The following DRC8 variants were observed in gnomAD, a reference collection of about 807,000 sequenced individuals.
DRC8 encodes dynein regulatory complex protein 8.
the DRC8 span, chr1:245,081,932 A>G: frequency 4.9e-6 from 3 of 611,258 alleles, no homozygotes; most frequent in Admixed American, 2.9e-5. Context: ...TCTTAAAAAG[A>G]TAAAGTAAAG....
the DRC8 span, among the ~76,000 whole-genome samples, chr1:245,009,169 G>T: frequency 6.7e-6 from 1 of 150,014 alleles, no homozygotes; most frequent in Non-Finnish European, 1.5e-5. Context: ...CTGAGTAGCT[G>T]GGATTACAGG....
the DRC8 span, among the ~76,000 whole-genome samples, chr1:245,089,617 G>A: frequency 6.6e-6 from 1 of 152,112 alleles, no homozygotes; most frequent in Non-Finnish European, 1.5e-5. The surrounding 1 kb of genome is among the most constrained non-coding windows in gnomAD (Gnocchi z 4.8). Context: ...GTTCATTGAG[G>A]GCCTCTCCCA....
At chr1:245,027,449 A>G in the DRC8 span, among the ~76,000 whole-genome samples, 1 of 152,176 alleles carries the variant, frequency 6.6e-6, no homozygotes, top group Non-Finnish European at 1.5e-5. Context: ...ACTGGGACAA[A>G]AGAAAAAAAA....
the DRC8 span, chr1:245,087,526 A>G: frequency 7.4e-7 from 1 of 1,347,154 alleles, no homozygotes; most frequent in Non-Finnish European, 9.5e-7. Context: ...TTTAAACCAA[A>G]TTTAGTATGT....
At chr1:245,089,154 G>A in the DRC8 span, among the ~76,000 whole-genome samples, 1 of 152,138 alleles carries the variant, frequency 6.6e-6, no homozygotes, top group Non-Finnish European at 1.5e-5. The surrounding 1 kb of genome is among the most constrained non-coding windows in gnomAD (Gnocchi z 4.8). Flanking sequence ...TTCTGGCTCG[G>A]ACGATGGGTA....
chr1:245,099,314 A>G, the DRC8 span, among the ~76,000 whole-genome samples: 1 of 152,220 alleles, frequency 6.6e-6, no homozygotes, highest in Non-Finnish European at 1.5e-5. Context: ...AGATTGTTGA[A>G]GGGACTATAT....
the DRC8 span, among the ~76,000 whole-genome samples, chr1:245,069,157 AT>A: frequency 6.6e-6 from 1 of 152,190 alleles, no homozygotes; most frequent in Non-Finnish European, 1.5e-5. Context: ...TCCAAGTATA[AT>A]TTTGCCTCCC....
At chr1:244,971,418 A>G in the DRC8 span, among the ~76,000 whole-genome samples, 1 of 152,240 alleles carries the variant, frequency 6.6e-6, no homozygotes, top group Non-Finnish European at 1.5e-5. Context: ...CGGAGAAGCC[A>G]AAAAGTGATT....
chr1:245,067,949 A>T, the DRC8 span, among the ~76,000 whole-genome samples: 1 of 152,198 alleles, frequency 6.6e-6, no homozygotes, highest in Non-Finnish European at 1.5e-5. Flanking sequence ...TTTATGTTAG[A>T]TGCTGGAATT....
the DRC8 span, among the ~76,000 whole-genome samples, chr1:245,088,315 G>GACACACAC: frequency 0.12 from 16,724 of 145,328 alleles, 1,029 homozygotes; most frequent in Non-Finnish European, 0.13. This position sits in a 1 kb window ranked among gnomAD's most constrained non-coding sequence, Gnocchi z 4.6. Context: ...GTTATAACAA[G>GACACACAC]ACACACACAC....
the DRC8 span, among the ~76,000 whole-genome samples, chr1:244,986,895 A>T: frequency 2.0e-5 from 3 of 152,082 alleles, no homozygotes; most frequent in Admixed American, 2.0e-4. Flanking sequence ...CGTTTTTGTG[A>T]CTGGATGTGG....
the DRC8 span, among the ~76,000 whole-genome samples, chr1:245,054,069 C>G: frequency 1.3e-5 from 2 of 152,020 alleles, no homozygotes; most frequent in African/African-American, 2.4e-5. Flanking sequence ...TTCAGGTCTT[C>G]AGTATCAAAA....
chr1:245,054,495 C>T, the DRC8 span, among the ~76,000 whole-genome samples: 8 of 152,280 alleles, frequency 5.3e-5, no homozygotes, highest in East Asian at 7.7e-4. Flanking sequence ...TTACCTCCCT[C>T]GACCTCTCAG....
chr1:245,099,683 G>A, the DRC8 span, among the ~76,000 whole-genome samples: 6 of 152,360 alleles, frequency 3.9e-5, no homozygotes, highest in South Asian at 8.3e-4. Context: ...CACGCTGATC[G>A]CTTGAGGGGG....
the DRC8 span, among the ~76,000 whole-genome samples, chr1:245,003,947 C>T: frequency 6.6e-6 from 1 of 152,062 alleles, no homozygotes; most frequent in Non-Finnish European, 1.5e-5. Context: ...TCAGGCTAGA[C>T]TTGAACTCCT....
the DRC8 span, among the ~76,000 whole-genome samples, chr1:245,026,992 G>T: frequency 6.6e-6 from 1 of 151,958 alleles, no homozygotes; most frequent in Non-Finnish European, 1.5e-5. Flanking sequence ...AGAAAATGTG[G>T]CAAGATGTTA....
the DRC8 span, among the ~76,000 whole-genome samples, chr1:245,100,256 G>C: frequency 6.6e-6 from 1 of 152,086 alleles, no homozygotes; most frequent in Admixed American, 6.6e-5. Flanking sequence ...ATAGCGGCAT[G>C]TGCCTGTGGT....
At chr1:245,036,946 T>C in the DRC8 span, among the ~76,000 whole-genome samples, 4 of 152,186 alleles carry the variant, frequency 2.6e-5, no homozygotes, top group Non-Finnish European at 5.9e-5. Context: ...CTAAAGCCAC[T>C]GGATTACACA....
chr1:244,970,131 C>A, the DRC8 span: 3 of 680,882 alleles, frequency 4.4e-6, no homozygotes, highest in African/African-American at 3.7e-5. Context: ...ACATGCTAGG[C>A]CCGGGACAAG....
Sources: gnomAD v4.1 joint callset for allele counts (sites outside exome capture counted in the v4.1 genomes callset) on GRCh38, gnomAD v4.1.1 for gene constraint, Gnocchi (gnomAD v3.1) non-coding constraint, MANE v1.5 for transcripts, NCBI Gene and HGNC (gene_info 2026-07-23, HGNC 2026-07-21) for gene names.